The following INKA2 variants were observed in gnomAD, a reference collection of about 807,000 sequenced individuals.
INKA2 encodes inka box actin regulator 2.
INKA2 carries 3 observed loss-of-function variants against 9.8 expected under a neutral mutation model. The observed-to-expected ratio is 0.31, with a 90% CI of 0.14 to 0.79. INKA2 has a LOEUF of 0.79. Among genes scored for constraint, INKA2 ranks in the 30% least tolerant of loss-of-function variants. The pLI is 0.62. For synonymous variants in INKA2, 147 were observed against 143.3 expected (o/e 1.03, Z -0.18); for missense variants, 392 against 384.4 (o/e 1.02, Z -0.17).
intron 1 of INKA2, chr1:111,745,577 C>A (rs564473637): frequency 6.6e-6 from 1 of 151,960 alleles, no homozygotes; most frequent in South Asian, 2.1e-4. Context: ...GCTGGGATTA[C>A]AGGCGTGAGC....
At chr1:111,749,332 G>T (rs531876549) in intron 1 of INKA2, among the ~76,000 whole-genome samples, 9 of 152,296 alleles carry the variant, frequency 5.9e-5, no homozygotes, top group African/African-American at 1.9e-4. Context: ...TCTTGGTGTG[G>T]AAGCTGCAGT....
upstream of INKA2, chr1:111,739,549 G>C: frequency 1.4e-6 from 1 of 708,678 alleles, no homozygotes; most frequent in Non-Finnish European, 2.1e-6. Flanking sequence ...CGCAGTGTTT[G>C]CACAGGACCC....
At chr1:111,738,398 AC>A (rs796634360) in intron 1 of INKA2, among the ~76,000 whole-genome samples, 3 of 143,974 alleles carry the variant, frequency 2.1e-5, no homozygotes, top group East Asian at 2.1e-4. Flanking sequence ...GGTGATTTCC[AC>A]CCCCCCAGAC....
chr1:111,743,357 C>T (rs907245536), upstream of INKA2, among the ~76,000 whole-genome samples: 26 of 152,150 alleles, frequency 1.7e-4, no homozygotes, highest in Non-Finnish European at 2.2e-4. Flanking sequence ...CTCCAGTGGT[C>T]GGTACTTTAC....
chr1:111,722,806 G>A lies in INKA2; in HGVS notation c.*4162C>T. 2.3e-6 allele frequency: 1 copy of A among 440,970 alleles called. No individual in the cohort carries two copies. The highest frequency in any genetic ancestry group is 4.0e-6 in the Non-Finnish European group (1 of 246,918). The allele number at this position is 440,970 out of a possible 1,614,324, so 27.3% of individuals were successfully genotyped here. A position where few individuals can be genotyped will look rare whatever the true frequency, so the allele number is the denominator to read the frequency against. On this transcript the variant is annotated 3_prime_UTR_variant, in exon 2 of 2. Transcript: ENST00000357260. ...CGACAGAAGAAGAGACCAACGCTCA[G>A]AGAAAGCACTTTTTCTTAAGCACTT...
At chr1:111,750,518 G>C (rs1340144063) in intron 1 of INKA2, among the ~76,000 whole-genome samples, 1 of 152,222 alleles carries the variant, frequency 6.6e-6, no homozygotes, top group African/African-American at 2.4e-5. Flanking sequence ...AGTACCCGTG[G>C]CTAGGCAAAG....
At position 111,739,283 on chromosome 1, in the gene INKA2, G is replaced by A. The variant is rs1469075424; in HGVS notation, c.-41C>T. ...GTTCGGTTCAAACAGAGAGGGCCCG[G>A]GTGAAACCCCGGCCCCACTGGAAAC... is the stretch of plus-strand genomic sequence containing the variant. On this transcript the variant is annotated 5_prime_UTR_variant, in exon 1 of 2. Coordinates refer to ENST00000357260, the MANE Select transcript of INKA2 (RefSeq NM_019099.5). 2 of 1,612,260 alleles carry A rather than the reference G, an allele frequency of 1.2e-6. No homozygotes were observed. The highest frequency in any genetic ancestry group is 2.2e-5 in the South Asian group (2 of 90,904).
In INKA2 at chr1:111,739,374, T is replaced by C; in HGVS notation, c.-132A>G. ...TCGCAGCGCGGAGCTGAGCCTGCGC[T>C]CCGAGCCCGGGACTCAGAGTCGCTT... is the stretch of plus-strand genomic sequence containing the variant. On this transcript the variant is annotated 5_prime_UTR_variant, in exon 1 of 2. Coordinates refer to ENST00000357260, the MANE Select transcript of INKA2 (RefSeq NM_019099.5). The C allele has an allele frequency of 1.3e-6, 2 of 1,518,644 alleles. No individual in the cohort carries two copies. The highest frequency in any genetic ancestry group is 2.5e-5 in the South Asian group (2 of 80,954). The allele number at this position is 1,518,644 out of a possible 1,614,324, so 94.1% of individuals were successfully genotyped here.
intron 1 of INKA2, chr1:111,745,179 G>A (rs1663232766): frequency 6.9e-6 from 1 of 145,442 alleles, no homozygotes; most frequent in African/African-American, 2.6e-5. Context: ...ATTGCTACTT[G>A]GGAAGCAAGT....
chr1:111,745,915 A>G (rs1663265226), intron 1 of INKA2: 1 of 152,246 alleles, frequency 6.6e-6, no homozygotes, highest in Admixed American at 6.5e-5. Flanking sequence ...AGGGAGAGAC[A>G]TATTAGCAAG....
At position 111,727,669 on chromosome 1, in the gene INKA2, C is replaced by T. The variant is rs1336846599; in HGVS notation, c.193G>A (p.Gly65Ser). The T allele has an allele frequency of 1.2e-6, 2 of 1,611,346 alleles. No individual in the cohort carries two copies. The highest frequency in any genetic ancestry group is 1.7e-6 in the Non-Finnish European group (2 of 1,178,592). The change falls in exon 2 of 2, where the codon GGC (glycine) becomes AGC (serine). Residue 65 changes from glycine to serine, a missense_variant. Physicochemically the swap from Gly to Ser is moderately conservative, Grantham distance 56 (BLOSUM62 0). Transcript: ENST00000357260. ...LEISGGGPVPGSPEGPRTQCE... is the reference protein window; with the variant it reads ...LEISGGGPVPSSPEGPRTQCE... Reference sequence around the variant, plus strand: ...TGGGTCCTGGGACCTTCAGGGCTGCCTGGCACAGGACCCCCTCCAGAGATC... The same window carrying T: ...TGGGTCCTGGGACCTTCAGGGCTGCTTGGCACAGGACCCCCTCCAGAGATC...
Position 111,723,074 on chromosome 1 carries a change from C to G in INKA2, c.*3894G>C, listed in dbSNP as rs548667235. ...TCAAATCTTAACTCCAAGTCTAGTGCTCATACCATGGTGCTGGCAGAAGTG... is the reference window on the plus strand; with the variant it reads ...TCAAATCTTAACTCCAAGTCTAGTGGTCATACCATGGTGCTGGCAGAAGTG... On this transcript the variant is annotated 3_prime_UTR_variant, in exon 2 of 2. Transcript: ENST00000357260. The G allele has an allele frequency of 1.4e-6, 1 of 701,984 alleles. No individual in the cohort carries two copies. The highest frequency in any genetic ancestry group is 2.0e-5 in the Admixed American group (1 of 49,946). The allele number at this position is 701,984 out of a possible 1,614,324, so 43.5% of individuals were successfully genotyped here.
intron 1 of INKA2, among the ~76,000 whole-genome samples, chr1:111,728,876 G>A (rs1306400851): frequency 1.3e-5 from 2 of 151,316 alleles, no homozygotes; most frequent in Non-Finnish European, 2.9e-5. Flanking sequence ...GACTCGAGAT[G>A]GCTGGGCAGT....
chr1:111,748,139 G>A (rs1663313587), intron 1 of INKA2, among the ~76,000 whole-genome samples: 1 of 152,210 alleles, frequency 6.6e-6, no homozygotes, highest in Non-Finnish European at 1.5e-5. Flanking sequence ...CAGGTGGGCT[G>A]CGCTAGGCTA....
rs1553232613 is a variant in INKA2 at position 111,745,265 on chromosome 1, T to TTTTATATATA, written n.124+10435_124+10436insTATATATAAA. On this transcript the variant is annotated intron_variant and non_coding_transcript_variant, in intron 1 of 1. Coordinates refer to the INKA2 transcript ENST00000444059. ...ACACACACACACACACACAGAGATA[T>TTTTATATATA]TATATATATATATATATATATATAT... The TTTTATATATA allele has an allele frequency of 1.7e-3, 78 of 45,096 alleles. 5 individuals are homozygous for TTTTATATATA. The highest frequency in any genetic ancestry group is 4.8e-3 in the African/African-American group (56 of 11,736). 2.8% of individuals were successfully genotyped at this position (45,096 alleles called of 1,614,324 possible).
At chr1:111,745,284 TA>T (rs1663241793) in intron 1 of INKA2, 15 of 49,928 alleles carry the variant, frequency 3.0e-4, no homozygotes, top group African/African-American at 5.6e-4. Context: ...TATATATATA[TA>T]TATATATATT....
At chr1:111,731,035 C>T (rs567862748) in intron 1 of INKA2, among the ~76,000 whole-genome samples, 11 of 152,110 alleles carry the variant, frequency 7.2e-5, no homozygotes, top group East Asian at 1.9e-4. Flanking sequence ...CAGCCCAGGT[C>T]GGAGGTAGAG....
Position 111,726,983 on chromosome 1 carries a change from T to C in INKA2, c.879A>G (p.Thr293=). The part of the protein sequence containing the change: ...EHSPSGFDIN[T]AVWV Reference sequence around the variant, plus strand: ...TCTCTAGGATTCAGACCCAAACAGCTGTGTTAATATCAAATCCTGAGGGTG... The same window carrying C: ...TCTCTAGGATTCAGACCCAAACAGCCGTGTTAATATCAAATCCTGAGGGTG... Residue 293 remains threonine, a synonymous_variant, in exon 2 of 2, where the codon ACA becomes ACG. Coordinates refer to ENST00000357260, the MANE Select transcript of INKA2 (RefSeq NM_019099.5). 3.7e-6 allele frequency: 6 copies of C among 1,613,450 alleles called. No individual in the cohort carries two copies. The highest frequency in any genetic ancestry group is 5.1e-6 in the Non-Finnish European group (6 of 1,179,758).
chr1:111,753,315 C>A (rs903681755), intron 1 of INKA2: 1 of 152,200 alleles, frequency 6.6e-6, no homozygotes, highest in African/African-American at 2.4e-5. Context: ...GGGAGACAGA[C>A]ACAATCAAGC....
Sources: allele counts gnomAD v4.1 joint callset (sites outside exome capture counted in the v4.1 genomes callset), GRCh38; gene constraint gnomAD v4.1.1; transcripts MANE v1.5; gene names NCBI Gene and HGNC (gene_info 2026-07-23, HGNC 2026-07-21).